The following GIGYF2 variants were observed in gnomAD, a reference collection of about 807,000 sequenced individuals.
GIGYF2 encodes the protein GRB10-interacting GYF protein 2.
A neutral mutation model predicts 208.1 loss-of-function variants in GIGYF2; 25 were observed. The observed-to-expected ratio is 0.12, with a 90% confidence interval of 0.09 to 0.17. The LOEUF (loss-of-function observed/expected upper bound fraction) is 0.17. Among genes scored for constraint, GIGYF2 ranks in the 10% least tolerant of loss-of-function variants. GIGYF2 has a pLI of 1.00. For missense variants in GIGYF2, 1,302 were observed against 1,579.4 expected (o/e 0.82, Z 2.98); for synonymous variants, 534 against 543.8 (o/e 0.98, Z 0.25).
rs186492266 is a variant in GIGYF2, at chr2:232,744,382, C to T, written c.42-3233C>T. Among the ~76,000 whole-genome samples the T allele has an allele frequency of 3.9e-5, 6 of 152,180 alleles. No homozygotes were observed. In the East Asian group the frequency reaches 1.2e-3, roughly 29 times the overall value. ...TGAAAGAGTGCTTAGATGTGTACTC[C>T]AGTGGTAGAAACTGTTGGGAAACAT... On this transcript the variant is annotated intron_variant, in intron 3 of 28. Transcript: ENST00000373563.
chr2:232,787,039 A>G (rs970997998), intron 8 of GIGYF2, 111 bp from the exon 9 acceptor site: 2 of 768,556 alleles, frequency 2.6e-6, no homozygotes, highest in Non-Finnish European at 4.6e-6. Flanking sequence ...TTTTTTCTGA[A>G]TATTGAAATG....
At chr2:232,838,225 A>G (rs1400332077) in intron 22 of GIGYF2, among the ~76,000 whole-genome samples, 1 of 152,144 alleles carries the variant, frequency 6.6e-6, no homozygotes, top group African/African-American at 2.4e-5. Flanking sequence ...TTGTGTGTAT[A>G]TATACCTAGA....
At chr2:232,766,571 GAA>G (rs1698971516) in intron 8 of GIGYF2, 1 of 152,282 alleles carries the variant, frequency 6.6e-6, no homozygotes, top group South Asian at 2.1e-4. Flanking sequence ...CTTGGGTTGG[GAA>G]AATCTGTTGG....
intron 9 of GIGYF2, 127 bp downstream of exon 9, chr2:232,787,456 G>A: frequency 1.2e-6 from 1 of 834,780 alleles, no homozygotes; most frequent in Non-Finnish European, 1.9e-6. Context: ...TATTTATGCT[G>A]TCACAGTTTT....
At chr2:232,756,476 C>A in intron 6 of GIGYF2, 142 bp downstream of exon 6, 1 of 552,810 alleles carries the variant, frequency 1.8e-6, no homozygotes, top group South Asian at 2.8e-5. Flanking sequence ...TATTTATATT[C>A]AGAACCATTT....
Position 232,715,030 on chromosome 2 carries a change from C to T in GIGYF2, c.-44+11541C>T, listed in dbSNP as rs142975301. The stretch of plus-strand genomic sequence containing the variant: ...GCTGCCACTTTTAAGTGAGAACATG[C>T]GGTATTTGGTTTTCTGTTCCTGCAT... On this transcript the variant is annotated intron_variant, in intron 2 of 28. Coordinates refer to ENST00000373563, the MANE Select transcript of GIGYF2 (RefSeq NM_001103146.3). 2.1e-3 allele frequency among the ~76,000 whole-genome samples: 326 copies of T among 152,188 alleles called. 7 individuals are homozygous for T. Among genetic ancestry groups the T allele is most frequent in the African/African-American group, 7.0e-3 (291 of 41,520 alleles).
chr2:232,746,913 T>C (rs1698170892), intron 3 of GIGYF2, among the ~76,000 whole-genome samples: 1 of 152,210 alleles, frequency 6.6e-6, no homozygotes, highest in Non-Finnish European at 1.5e-5. Flanking sequence ...TCTTAATCTT[T>C]TGCAGATATA....
At chr2:232,807,899 T>G (rs1700607649) in intron 15 of GIGYF2, among the ~76,000 whole-genome samples, 1 of 152,214 alleles carries the variant, frequency 6.6e-6, no homozygotes, top group Non-Finnish European at 1.5e-5. Context: ...ACACTGCATT[T>G]CTACAGTAAA....
At chr2:232,725,000 T>C (rs1316400557) in intron 2 of GIGYF2, among the ~76,000 whole-genome samples, 2 of 151,980 alleles carry the variant, frequency 1.3e-5, no homozygotes, top group Non-Finnish European at 2.9e-5. Flanking sequence ...CATATCTATA[T>C]ATATCCAGTG....
rs1009282886 is a variant in GIGYF2, at chr2:232,710,704, T to A, written c.-44+7215T>A. ...GGATCTTGGTGTTCTTTTTTTTTTT[T>A]TTTTTTTTCTGGAGATGGAATTTCG... On this transcript the variant is annotated intron_variant, in intron 2 of 28. Coordinates refer to ENST00000373563, the MANE Select transcript of GIGYF2 (RefSeq NM_001103146.3). Among the ~76,000 whole-genome samples, 772 of 150,566 alleles carry A rather than the reference T, an allele frequency of 5.1e-3. 7 individuals carry two copies. The highest frequency in any genetic ancestry group is 0.018 in the African/African-American group (747 of 40,736).
chr2:232,771,518 C>T (rs1013102981), intron 8 of GIGYF2: 10 of 556,118 alleles, frequency 1.8e-5, no homozygotes, highest in East Asian at 5.7e-5. Flanking sequence ...TTTCTCTTCA[C>T]GTTAGATGGC....
chr2:232,712,124 T>C (rs572104009), intron 2 of GIGYF2, among the ~76,000 whole-genome samples: 1 of 152,310 alleles, frequency 6.6e-6, no homozygotes, highest in South Asian at 2.1e-4. Flanking sequence ...AATTTTATAA[T>C]TGGCAACAGG....
At chr2:232,845,359 C>T (rs1235232395) in intron 25 of GIGYF2, among the ~76,000 whole-genome samples, 3 of 152,186 alleles carry the variant, frequency 2.0e-5, no homozygotes, top group African/African-American at 7.2e-5. Flanking sequence ...TTGCCAGGCA[C>T]TGTGCTGTAG....
chr2:232,808,533 A>G (rs976843038), intron 15 of GIGYF2, among the ~76,000 whole-genome samples: 1 of 152,240 alleles, frequency 6.6e-6, no homozygotes, highest in Admixed American at 6.5e-5. Context: ...TTTCATGTAG[A>G]CATTTTAGAT....
chr2:232,722,887 T>A (rs1697009333), intron 2 of GIGYF2, among the ~76,000 whole-genome samples: 1 of 152,240 alleles, frequency 6.6e-6, no homozygotes, highest in Admixed American at 6.5e-5. Flanking sequence ...TCTCTGTCAT[T>A]TGCCTACTTT....
chr2:232,773,887 C>T (rs931652873), intron 8 of GIGYF2, among the ~76,000 whole-genome samples: 8 of 123,280 alleles, frequency 6.5e-5, no homozygotes, highest in South Asian at 4.9e-4. Context: ...GCCTAGGCAA[C>T]GTAGTGAGAC....
In GIGYF2 at chr2:232,768,596, A is replaced by G. The variant is rs1429621532; in HGVS notation, c.532+7160A>G. ...GACATTCGTCAGAACTGATGCCATC[A>G]AGGTGGAAATCCACACTGGTCTGGT... On this transcript the variant is annotated intron_variant, in intron 8 of 28. Coordinates refer to ENST00000373563, the MANE Select transcript of GIGYF2 (RefSeq NM_001103146.3). The G allele has an allele frequency of 6.2e-7, 1 of 1,614,074 alleles. No homozygotes were observed. Among genetic ancestry groups the G allele is most frequent in the African/African-American group, 1.3e-5 (1 of 74,942 alleles).
intron 15 of GIGYF2, among the ~76,000 whole-genome samples, chr2:232,809,451 T>TAATA (rs1358129332): frequency 1.3e-5 from 2 of 152,226 alleles, no homozygotes; most frequent in Admixed American, 6.5e-5. Context: ...CATTCAGCTT[T>TAATA]AAGGGCAGGA....
intron 27 of GIGYF2, among the ~76,000 whole-genome samples, chr2:232,849,354 C>T (rs1222974084): frequency 3.3e-5 from 5 of 151,956 alleles, no homozygotes; most frequent in East Asian, 1.9e-4. Flanking sequence ...TTAGTAGAGA[C>T]GGGGTTTAAC....
Sources: gnomAD v4.1 joint callset for allele counts (sites outside exome capture counted in the v4.1 genomes callset) on GRCh38, gnomAD v4.1.1 for gene constraint, MANE v1.5 for transcripts, NCBI Gene and HGNC (gene_info 2026-07-23, HGNC 2026-07-21) for gene names.